The following USH2A variants were observed in gnomAD, a reference collection of about 807,000 sequenced individuals.
The protein encoded by USH2A is usherin, also known as Usher syndrome 2A (autosomal recessive, mild).
In USH2A, 443 loss-of-function variants were observed where a neutral mutation model predicts 538.9. The observed-to-expected ratio is 0.82, with a 90% confidence interval of 0.76 to 0.89. The LOEUF (loss-of-function observed/expected upper bound fraction) is 0.89. USH2A is among the 40% of genes least tolerant of loss of function. The probability of loss-of-function intolerance (pLI) is 0.00; values close to 1 mark genes in which losing one functional copy is unlikely to be tolerated. For synonymous variants in USH2A, 2,413 were observed against 2,273.5 expected, an observed-to-expected ratio of 1.06 and a Z score of -1.75; for missense variants, 6,633 against 6,324.8, an observed-to-expected ratio of 1.05 and a Z score of -1.65.
intron 21 of USH2A, chr1:216,174,280 C>A (rs977286197): frequency 3.1e-6 from 3 of 980,486 alleles, no homozygotes; most frequent in African/African-American, 1.8e-5. Flanking sequence ...AAATGAACAT[C>A]TTTATGAGTT....
At chr1:216,125,390 C>T (rs1339270029) in intron 21 of USH2A, among the ~76,000 whole-genome samples, 2 of 152,116 alleles carry the variant, frequency 1.3e-5, no homozygotes, top group African/African-American at 4.8e-5. Flanking sequence ...CTCCAATCTG[C>T]CATGTTCTAG....
rs140453044 is a variant in USH2A at position 216,173,707 on chromosome 1, A to G, written c.4627+1545T>C. Among the ~76,000 whole-genome samples the G allele has an allele frequency of 3.5e-3, 535 of 152,230 alleles. 3 individuals carry two copies. The highest frequency in any genetic ancestry group is 0.01 in the Middle Eastern group (3 of 294). On this transcript the variant is annotated intron_variant, in intron 21 of 71. Transcript: ENST00000307340. ...TTATTAACGGTGGACGGGCCATTCT[A>G]TCTTTCACTGCAACAACAGTAGGTG...
chr1:216,107,677 TTTC>T (rs1445155229), intron 21 of USH2A, among the ~76,000 whole-genome samples: 8 of 133,394 alleles, frequency 6.0e-5, no homozygotes, highest in African/African-American at 1.0e-4. Context: ...CTTTTCTTAC[TTTC>T]TTCTTCTTTT....
chr1:216,134,476 C>A (rs1211828114), intron 21 of USH2A, among the ~76,000 whole-genome samples: 1 of 151,922 alleles, frequency 6.6e-6, no homozygotes, highest in Non-Finnish European at 1.5e-5. Context: ...AAACAGAAAA[C>A]AGGGAGTCAA....
At chr1:215,630,274 G>A (rs565681627) in intron 70 of USH2A, 55 of 456,820 alleles carry the variant, frequency 1.2e-4, no homozygotes, top group African/African-American at 7.2e-4. Context: ...AGAACAAATG[G>A]CAGCATCAGT....
intron 20 of USH2A, among the ~76,000 whole-genome samples, chr1:216,179,166 C>T (rs1019717635): frequency 6.6e-6 from 1 of 151,978 alleles, no homozygotes; most frequent in Admixed American, 6.6e-5. Context: ...CAAATTCCTT[C>T]CCCCATCAGT....
At chr1:215,800,406 T>C (rs1292791257) in intron 49 of USH2A, among the ~76,000 whole-genome samples, 3 of 152,196 alleles carry the variant, frequency 2.0e-5, no homozygotes, top group Non-Finnish European at 4.4e-5. Flanking sequence ...ATAAGGTATG[T>C]GAGTATGATG....
chr1:216,067,813 T>C (rs1378578390), intron 30 of USH2A, among the ~76,000 whole-genome samples: 1 of 152,096 alleles, frequency 6.6e-6, no homozygotes, highest in Non-Finnish European at 1.5e-5. Flanking sequence ...GCCTATTGGA[T>C]GCAGGCATTT....
intron 61 of USH2A, among the ~76,000 whole-genome samples, chr1:215,696,990 A>T (rs1443611835): frequency 6.6e-6 from 1 of 151,746 alleles, no homozygotes; most frequent in African/African-American, 2.4e-5. Flanking sequence ...TCTTACTTTG[A>T]CACTCAGGCT....
intron 4 of USH2A, among the ~76,000 whole-genome samples, chr1:216,335,360 ATCT>A (rs1034630343): frequency 1.3e-5 from 2 of 151,536 alleles, no homozygotes; most frequent in African/African-American, 4.8e-5. Context: ...CAATAACCTA[ATCT>A]TCTACCTTAA....
intron 4 of USH2A, among the ~76,000 whole-genome samples, chr1:216,331,324 T>C (rs2037858958): frequency 6.6e-6 from 1 of 152,116 alleles, no homozygotes; most frequent in Admixed American, 6.6e-5. Context: ...GGCAAAGATA[T>C]GTCTAAATTA....
chr1:215,888,490 C>T lies in USH2A; in HGVS notation c.8159G>A (p.Arg2720Lys). Reference sequence around the variant, plus strand: ...CTGCACCCCAGCAGGTCGTGAGGGTCTTGTGGTAACTTCTACCCAAGCACT... The same window carrying T: ...CTGCACCCCAGCAGGTCGTGAGGGTTTTGTGGTAACTTCTACCCAAGCACT... ...NSSAWVEVTT[R>K]PSRPAGVQPP... The change falls in exon 41 of 72, where the codon AGA becomes AAA. Residue 2720 changes from arginine (R) to lysine (K), a missense_variant. Arg to Lys is a conservative substitution (Grantham distance 26). Coordinates refer to ENST00000307340, the MANE Select transcript of USH2A (RefSeq NM_206933.4). 1.2e-6 allele frequency: 2 copies of T among 1,614,102 alleles called. No homozygotes were observed. Among genetic ancestry groups the T allele is most frequent in the Non-Finnish European group, 1.7e-6 (2 of 1,180,020 alleles).
At chr1:216,088,098 C>T (rs939417772) in intron 23 of USH2A, among the ~76,000 whole-genome samples, 3 of 152,044 alleles carry the variant, frequency 2.0e-5, no homozygotes, top group Admixed American at 1.3e-4. Flanking sequence ...CCTTGACATG[C>T]CACATGTAGT....
chr1:216,269,737 C>A (rs1484679779), intron 11 of USH2A, among the ~76,000 whole-genome samples: 2 of 152,064 alleles, frequency 1.3e-5, no homozygotes, highest in Admixed American at 1.3e-4. Flanking sequence ...TGCATATTGC[C>A]TTGTGATCAC....
chr1:216,162,896 C>A (rs961452186), intron 21 of USH2A, among the ~76,000 whole-genome samples: 3 of 151,786 alleles, frequency 2.0e-5, no homozygotes, highest in African/African-American at 2.4e-5. Context: ...GCCAAGCACC[C>A]AAAAAAGAAT....
intron 21 of USH2A, among the ~76,000 whole-genome samples, chr1:216,123,943 C>T (rs937388399): frequency 4.6e-5 from 7 of 152,136 alleles, no homozygotes; most frequent in African/African-American, 1.4e-4. Context: ...CTACACTCAT[C>T]TCCTCTGTTA....
chr1:215,768,871 G>C (rs944587101), intron 55 of USH2A, among the ~76,000 whole-genome samples: 2 of 152,120 alleles, frequency 1.3e-5, no homozygotes, highest in Non-Finnish European at 1.5e-5. Context: ...ATCACTGAGC[G>C]AGTCTTTTTG....
intron 11 of USH2A, 143 bp from the exon 12 acceptor site, chr1:216,251,241 C>A: frequency 1.2e-6 from 1 of 803,796 alleles, no homozygotes; most frequent in South Asian, 1.6e-5. Flanking sequence ...TTCCTCTTGA[C>A]ACACAACATG....
Position 216,097,095 on chromosome 1 carries a change from A to T in USH2A, c.4746T>A (p.Leu1582=), listed in dbSNP as rs2032458249. 1 of 1,613,878 alleles carries T rather than the reference A, an allele frequency of 6.2e-7. No homozygotes were observed. Among genetic ancestry groups the T allele is most frequent in the South Asian group, 1.1e-5 (1 of 91,062 alleles). The change falls in exon 22 of 72, where the codon CTT becomes CTA. Residue 1582 remains leucine (L), a synonymous_variant. Transcript: ENST00000307340. ...LQLKKGRLYF[L]FDPQGSPVEV... is the part of the protein sequence containing the mutation. ...ATTTCTCATTTACCTGAGGATCAAA[A>T]AGAAAATAAAGACGTCCCTTCTTCA...
Sources: gnomAD v4.1 joint callset for allele counts (sites outside exome capture counted in the v4.1 genomes callset) on GRCh38, gnomAD v4.1.1 for gene constraint, MANE v1.5 for transcripts, NCBI Gene and HGNC (gene_info 2026-07-23, HGNC 2026-07-21) for gene names.